TMTC1: variants seen among roughly 807,000 people sequenced by gnomAD.
The protein encoded by TMTC1 is protein O-mannosyl-transferase TMTC1.
TMTC1 carries 73 observed loss-of-function variants against 104.8 expected under a neutral mutation model. The ratio of observed to expected loss-of-function variants is 0.70; its 90% CI spans 0.58 to 0.85. The LOEUF (loss-of-function observed/expected upper bound fraction) is 0.85. TMTC1 is among the 40% of genes least tolerant of loss of function. TMTC1 has a pLI of 0.00. For synonymous variants in TMTC1, 434 were observed against 428.7 expected (o/e 1.01, Z -0.15); for missense variants, 1,035 against 1,096.1 (o/e 0.94, Z 0.79).
rs376116251 is a variant in TMTC1, at chr12:29,549,341, C to T, written c.1676+7516G>A. On this transcript the variant is annotated intron_variant, in intron 10 of 17. Coordinates refer to ENST00000539277, the MANE Select transcript of TMTC1 (RefSeq NM_001193451.2). ...AAAGTTCTAGGCCAAACTAACTTAT[C>T]GTAAAAAAAATAAAATCAGAACAGT... Among the ~76,000 whole-genome samples the T allele has an allele frequency of 7.2e-5, 11 of 151,804 alleles. No homozygotes were observed. In the East Asian group the frequency reaches 1.5e-3, roughly 21 times the overall value.
At chr12:29,595,763 C>T (rs954502819) in intron 7 of TMTC1, among the ~76,000 whole-genome samples, 8 of 152,182 alleles carry the variant, frequency 5.3e-5, no homozygotes, top group African/African-American at 1.4e-4. Flanking sequence ...AACTTTTGAA[C>T]CCCTTTGTAG....
chr12:29,776,048 A>G (rs1047515940), intron 1 of TMTC1, among the ~76,000 whole-genome samples: 1 of 152,230 alleles, frequency 6.6e-6, no homozygotes, highest in Admixed American at 6.5e-5. Flanking sequence ...ATTTTCAGGT[A>G]CTTGTACTCC....
chr12:29,666,139 C>G (rs1940267284), intron 5 of TMTC1: 1 of 428,374 alleles, frequency 2.3e-6, no homozygotes, highest in Non-Finnish European at 4.6e-6. Flanking sequence ...ATTTTTAACA[C>G]ATATAGCAAG....
chr12:29,710,540 C>A, intron 5 of TMTC1, among the ~76,000 whole-genome samples: 2 of 140,482 alleles, frequency 1.4e-5, no homozygotes, highest in African/African-American at 2.6e-5. Context: ...TATATATATC[C>A]TTATATATAA....
At chr12:29,567,586 T>G (rs2136288352) in intron 9 of TMTC1, among the ~76,000 whole-genome samples, 1 of 152,352 alleles carries the variant, frequency 6.6e-6, no homozygotes, top group East Asian at 1.9e-4. Flanking sequence ...CCACATCAGC[T>G]GAAGAACACA....
chr12:29,624,781 C>G (rs1004087113), intron 6 of TMTC1, among the ~76,000 whole-genome samples: 3 of 152,166 alleles, frequency 2.0e-5, no homozygotes, highest in African/African-American at 7.2e-5. Flanking sequence ...GCAGGTGGGA[C>G]TTTCATTTTG....
At chr12:29,633,389 G>T in intron 5 of TMTC1, 53 bp from the exon 6 acceptor site, 1 of 1,445,992 alleles carries the variant, frequency 6.9e-7, no homozygotes, top group Non-Finnish European at 9.4e-7. Context: ...ATGACATTCT[G>T]TAAGCGTTCA....
At chr12:29,606,140 C>A (rs973485812) in intron 6 of TMTC1, among the ~76,000 whole-genome samples, 5 of 152,110 alleles carry the variant, frequency 3.3e-5, no homozygotes, top group Admixed American at 3.3e-4. Flanking sequence ...GATTCCATGT[C>A]TTTGCTATTG....
At position 29,512,090 on chromosome 12, in the gene TMTC1, C is replaced by T. The variant is rs753811706; in HGVS notation, c.2461G>A (p.Asp821Asn). ...SYRVAVQLNP[D>N]QAQAWMNMGG... is the part of the protein sequence containing the mutation. ...ATGTTCATCCAGGCCTGTGCTTGGTCTGGGTTTAGTTGCACAGCCACTCTA... is the reference window on the plus strand; with the variant it reads ...ATGTTCATCCAGGCCTGTGCTTGGTTTGGGTTTAGTTGCACAGCCACTCTA... Residue 821 changes from aspartate to asparagine, a missense_variant, in exon 17 of 18, where the codon GAC (aspartate) becomes AAC (asparagine). By Grantham distance (23) the Asp-to-Asn change is conservative. Coordinates refer to ENST00000539277, the MANE Select transcript of TMTC1 (RefSeq NM_001193451.2). The T allele has an allele frequency of 5.6e-6, 9 of 1,613,862 alleles. No individual in the cohort carries two copies. Among genetic ancestry groups the T allele is most frequent in the Non-Finnish European group, 7.6e-6 (9 of 1,179,962 alleles).
rs1943668442 is a variant in TMTC1 at position 29,505,051 on chromosome 12, T to C, written c.*1795A>G. On this transcript the variant is annotated 3_prime_UTR_variant, in exon 18 of 18. Transcript: ENST00000539277. Reference sequence around the variant, plus strand: ...AATGGTTGTAGTGGTAACATATACATTCTTGGATTACTGTTGCACACAAAG... The same window carrying C: ...AATGGTTGTAGTGGTAACATATACACTCTTGGATTACTGTTGCACACAAAG... The C allele has an allele frequency of 6.6e-6, 1 of 152,220 alleles. No homozygotes were observed. Among genetic ancestry groups the C allele is most frequent in the Non-Finnish European group, 1.5e-5 (1 of 68,042 alleles). 9.4% of individuals were successfully genotyped at this position (152,220 alleles called of 1,614,324 possible).
At chr12:29,644,857 A>G (rs1243579427) in intron 5 of TMTC1, among the ~76,000 whole-genome samples, 2 of 151,910 alleles carry the variant, frequency 1.3e-5, no homozygotes, top group Non-Finnish European at 2.9e-5. Context: ...TCTGGAATCA[A>G]CTCTCACAGG....
intron 17 of TMTC1, among the ~76,000 whole-genome samples, chr12:29,507,781 C>T (rs1221339495): frequency 1.3e-5 from 2 of 152,144 alleles, no homozygotes; most frequent in African/African-American, 4.8e-5. Flanking sequence ...GATGTATTAC[C>T]TCCCTTATTC....
chr12:29,555,775 C>T (rs1216470949), intron 10 of TMTC1, among the ~76,000 whole-genome samples: 1 of 152,164 alleles, frequency 6.6e-6, no homozygotes, highest in Non-Finnish European at 1.5e-5. Flanking sequence ...AATAGTGCTG[C>T]AATAAACATA....
Position 29,516,352 on chromosome 12 carries a change from G to T in TMTC1, c.2304C>A (p.Asp768Glu), listed in dbSNP as rs767661763. 2 of 1,612,766 alleles carry T rather than the reference G, an allele frequency of 1.2e-6. No individual in the cohort carries two copies. The highest frequency in any genetic ancestry group is 1.7e-6 in the Non-Finnish European group (2 of 1,179,256). Residue 768 changes from aspartate to glutamate, a missense_variant, in exon 15 of 18, where the codon GAC (aspartate) becomes GAA (glutamate). Transcript: ENST00000539277. ...SAIYSKQENHDKALDAIDKAL... is the reference protein window; with the variant it reads ...SAIYSKQENHEKALDAIDKAL... ...TCTAAACAATGTCCTTCTTTACCTTGTCGTGGTTCTCCTGCTTGCTATAGA... is the reference window on the plus strand; with the variant it reads ...TCTAAACAATGTCCTTCTTTACCTTTTCGTGGTTCTCCTGCTTGCTATAGA...
chr12:29,572,156 T>C lies in TMTC1; in HGVS notation c.1481A>G (p.Lys494Arg). 6.2e-7 allele frequency: 1 copy of C among 1,614,028 alleles called. No homozygotes were observed. Among genetic ancestry groups the C allele is most frequent in the Non-Finnish European group, 8.5e-7 (1 of 1,179,896 alleles). The change falls in exon 9 of 18, where the codon AAG becomes AGG. Residue 494 changes from lysine (K) to arginine (R), a missense_variant. Lys to Arg is a conservative substitution (Grantham distance 26). Transcript: ENST00000539277. ...KVHYNYANFL[K>R]DQGRNKEAIY... ...CGCTTCCTTGTTCCGACCTTGGTCC[T>C]TCAGGAAATTGGCATAGTTGTAGTG... is the stretch of plus-strand genomic sequence containing the variant.
chr12:29,643,505 A>G lies in TMTC1; in HGVS notation c.939-10169T>C, dbSNP rs866381463. 4.9e-3 allele frequency among the ~76,000 whole-genome samples: 281 copies of G among 57,576 alleles called. 1 individual carries two copies. Among genetic ancestry groups the G allele is most frequent in the African/African-American group, 0.019 (267 of 14,152 alleles). The allele number at this position is 57,576 out of a possible 152,430, so 37.8% of individuals were successfully genotyped here. A position where few individuals can be genotyped will look rare whatever the true frequency, so the allele number is the denominator to read the frequency against. On this transcript the variant is annotated intron_variant, in intron 5 of 17. Transcript: ENST00000539277. ...ATATAAAAAATATTATATATTATAT[A>G]TTTTATATATAATATAATATAAAAT...
At chr12:29,634,488 C>T (rs1294162201) in intron 5 of TMTC1, among the ~76,000 whole-genome samples, 1 of 152,182 alleles carries the variant, frequency 6.6e-6, no homozygotes, top group Non-Finnish European at 1.5e-5. Context: ...CCCACTCCCT[C>T]ACCCTCCCTT....
intron 5 of TMTC1, among the ~76,000 whole-genome samples, chr12:29,664,714 TAAAACTGGAAATA>T (rs1940207266): frequency 6.6e-6 from 1 of 152,206 alleles, no homozygotes; most frequent in African/African-American, 2.4e-5. Context: ...GAGGAGAACA[TAAAACTGGAAATA>T]ATACTTAACT....
chr12:29,679,953 C>T (rs964089526), intron 5 of TMTC1, among the ~76,000 whole-genome samples: 1 of 152,038 alleles, frequency 6.6e-6, no homozygotes, highest in African/African-American at 2.4e-5. Context: ...ACCATATATA[C>T]CTAGTACTAT....
Sources: allele counts gnomAD v4.1 joint callset (sites outside exome capture counted in the v4.1 genomes callset), GRCh38; gene constraint gnomAD v4.1.1; transcripts MANE v1.5; gene names NCBI Gene and HGNC (gene_info 2026-07-23, HGNC 2026-07-21).